Variants in AGMO observed in about 807,000 individuals in gnomAD.
AGMO encodes the protein alkylglycerol monooxygenase, also known as glyceryl-ether monooxygenase.
In AGMO, 75 loss-of-function variants were observed where a neutral mutation model predicts 60.2. That is an observed-to-expected ratio of 1.25 (90% CI 1.03 to 1.51). The LOEUF (loss-of-function observed/expected upper bound fraction) is 1.51. AGMO is among the 40% of genes most tolerant of loss of function. The pLI is 0.00. For synonymous variants in AGMO, 261 were observed against 177.1 expected, an observed-to-expected ratio of 1.47 and a Z score of -3.76; for missense variants, 763 against 525.5, an observed-to-expected ratio of 1.45 and a Z score of -4.42.
chr7:15,282,344 T>C (rs931773464), intron 12 of AGMO, among the ~76,000 whole-genome samples: 1 of 151,908 alleles, frequency 6.6e-6, no homozygotes, highest in African/African-American at 2.4e-5. Context: ...AGAATATGAA[T>C]GAAAAAATTT....
chr7:15,159,721 G>C, the AGMO span, among the ~76,000 whole-genome samples: 1 of 152,106 alleles, frequency 6.6e-6, no homozygotes, highest in South Asian at 2.1e-4. Flanking sequence ...AGATATTCCA[G>C]TTGCTTCAAC....
At chr7:15,536,940 A>G (rs1471578199) in intron 3 of AGMO, among the ~76,000 whole-genome samples, 1 of 152,010 alleles carries the variant, frequency 6.6e-6, no homozygotes, top group Non-Finnish European at 1.5e-5. Flanking sequence ...AAATGGCTGT[A>G]TTCAAATATT....
chr7:15,391,561 ATAAT>A (rs888567632), intron 6 of AGMO, among the ~76,000 whole-genome samples: 13 of 152,324 alleles, frequency 8.5e-5, no homozygotes, highest in Admixed American at 2.6e-4. Context: ...AAGAAAAAGA[ATAAT>A]TAATTAACCA....
intron 12 of AGMO, among the ~76,000 whole-genome samples, chr7:15,335,800 C>T (rs114396018): frequency 0.011 from 1,626 of 152,274 alleles, 36 homozygotes; most frequent in African/African-American, 0.038. Flanking sequence ...TACCTTTCTT[C>T]AGTTGTGGTT....
At chr7:15,316,752 CAAGAAAAAGAAGTTA>C (rs1780938583) in intron 12 of AGMO, among the ~76,000 whole-genome samples, 10 of 151,876 alleles carry the variant, frequency 6.6e-5, no homozygotes, top group Non-Finnish European at 1.0e-4. Flanking sequence ...GCGAAAAATC[CAAGAAAAAGAAGTTA>C]CAAAGTATAT....
At chr7:15,548,377 G>T (rs1156854175) in intron 2 of AGMO, among the ~76,000 whole-genome samples, 1 of 150,278 alleles carries the variant, frequency 6.7e-6, no homozygotes, top group African/African-American at 2.5e-5. Context: ...TGAGCTATGG[G>T]AGGACATTCA....
the AGMO span, among the ~76,000 whole-genome samples, chr7:15,156,948 G>A: frequency 6.6e-6 from 1 of 152,076 alleles, no homozygotes; most frequent in African/African-American, 2.4e-5. Context: ...CTACTACAAA[G>A]TCAGCCATCT....
At chr7:15,359,682 C>T (rs1462595351) in intron 12 of AGMO, among the ~76,000 whole-genome samples, 1 of 152,180 alleles carries the variant, frequency 6.6e-6, no homozygotes, top group Non-Finnish European at 1.5e-5. Flanking sequence ...CAACTAAACT[C>T]CTACCCCTGG....
rs1166302373 is a variant in AGMO at position 15,310,492 on chromosome 7, A to C, written c.1263+55022T>G. On this transcript the variant is annotated intron_variant, in intron 12 of 12. Coordinates refer to ENST00000342526, the MANE Select transcript of AGMO (RefSeq NM_001004320.2). Reference sequence around the variant, plus strand: ...TCAGTTACTAATACTAAAAAACAAAATTAAATAATTGGATCAGACAAAAAA... The same window carrying C: ...TCAGTTACTAATACTAAAAAACAAACTTAAATAATTGGATCAGACAAAAAA... Among the ~76,000 whole-genome samples the C allele has an allele frequency of 3.9e-5, 6 of 152,304 alleles. No homozygotes were observed. In the East Asian group the frequency reaches 1.2e-3, roughly 29 times the overall value.
intron 6 of AGMO, among the ~76,000 whole-genome samples, 197 bp downstream of exon 6, chr7:15,393,916 C>A (rs1784255068): frequency 6.8e-6 from 1 of 146,790 alleles, no homozygotes; most frequent in African/African-American, 2.5e-5. Flanking sequence ...TCCCCCTACC[C>A]CACCCCACCC....
At chr7:15,315,489 C>A (rs1198677263) in intron 12 of AGMO, among the ~76,000 whole-genome samples, 1 of 151,736 alleles carries the variant, frequency 6.6e-6, no homozygotes, top group African/African-American at 2.4e-5. Flanking sequence ...AGGCATGCGC[C>A]ACCACGCCCA....
At chr7:15,184,309 G>GGGAGGGAA in the AGMO span, among the ~76,000 whole-genome samples, 1 of 92,030 alleles carries the variant, frequency 1.1e-5, no homozygotes, top group Non-Finnish European at 2.4e-5. Context: ...CAGGCAGGGA[G>GGGAGGGAA]GGAGGGAAGG....
In AGMO at chr7:15,282,293, C is replaced by T. The variant is rs113098782; in HGVS notation, c.1264-80934G>A. ...AATATTAAGCTACTCAAGGAGATAT[C>T]AAGAAAAATGGAAAACATAAAGAAT... is the stretch of plus-strand genomic sequence containing the variant. On this transcript the variant is annotated intron_variant, in intron 12 of 12. Coordinates refer to ENST00000342526, the MANE Select transcript of AGMO (RefSeq NM_001004320.2). 5.7e-3 allele frequency among the ~76,000 whole-genome samples: 863 copies of T among 151,312 alleles called. 2 individuals are homozygous for T. Among genetic ancestry groups the T allele is most frequent in the African/African-American group, 0.018 (747 of 41,230 alleles).
At chr7:15,404,944 A>T (rs1784648193) in intron 5 of AGMO, among the ~76,000 whole-genome samples, 1 of 151,880 alleles carries the variant, frequency 6.6e-6, no homozygotes, top group Non-Finnish European at 1.5e-5. Context: ...TTTATCTGTT[A>T]AAAAATATTT....
At chr7:15,210,281 T>A (rs58529549) in intron 12 of AGMO, among the ~76,000 whole-genome samples, 7,328 of 152,246 alleles carry the variant, frequency 0.048, 222 homozygotes, top group South Asian at 0.074. Context: ...ATTTTCTTTT[T>A]CATATGTTCA....
the AGMO span, among the ~76,000 whole-genome samples, chr7:15,148,972 G>A: frequency 3.9e-5 from 6 of 152,062 alleles, no homozygotes; most frequent in Non-Finnish European, 7.4e-5. Flanking sequence ...ATCTCAGCTC[G>A]CTAACACCTG....
At chr7:15,428,422 C>G (rs1781131150) in intron 4 of AGMO, among the ~76,000 whole-genome samples, 1 of 152,118 alleles carries the variant, frequency 6.6e-6, no homozygotes, top group African/African-American at 2.4e-5. Flanking sequence ...CAGCACATTC[C>G]CTAACAACAT....
At chr7:15,511,633 A>T (rs562289229) in intron 3 of AGMO, among the ~76,000 whole-genome samples, 1 of 152,288 alleles carries the variant, frequency 6.6e-6, no homozygotes, top group Admixed American at 6.5e-5. Flanking sequence ...ATAGATCTTA[A>T]GTATTCCCAT....
In AGMO at chr7:15,385,524, A is replaced by G; in HGVS notation, c.996T>C (p.Ser332=). 6.2e-7 allele frequency: 1 copy of G among 1,613,260 alleles called. No individual in the cohort carries two copies. The highest frequency in any genetic ancestry group is 8.5e-7 in the Non-Finnish European group (1 of 1,179,424). ...CAACTGTATATATCTTTAATAGCTGAGATGAAGATGATGAGAAGGGAACTT... is the reference window on the plus strand; with the variant it reads ...CAACTGTATATATCTTTAATAGCTGGGATGAAGATGATGAGAAGGGAACTT... ...GKEVPFSSSS[S]QLLKIYTVVQ... The change falls in exon 10 of 13, where the codon TCT becomes TCC. Residue 332 remains serine (S), a synonymous_variant. Coordinates refer to ENST00000342526, the MANE Select transcript of AGMO (RefSeq NM_001004320.2).
Sources: gnomAD v4.1 joint callset for allele counts (sites outside exome capture counted in the v4.1 genomes callset) on GRCh38, gnomAD v4.1.1 for gene constraint, MANE v1.5 for transcripts, NCBI Gene and HGNC (gene_info 2026-07-23, HGNC 2026-07-21) for gene names.